Variants in WDR33 observed in about 807,000 individuals in gnomAD.
WDR33 encodes pre-mRNA 3' end processing protein WDR33.
Under a neutral mutation model 164.9 loss-of-function variants are expected in WDR33, and 47 were observed. That is an observed-to-expected ratio of 0.29 (90% CI 0.23 to 0.36). The LOEUF (loss-of-function observed/expected upper bound fraction) is 0.36, where lower values mean the gene tolerates loss of function less well. Among genes scored for constraint, WDR33 ranks in the 10% least tolerant of loss-of-function variants. The pLI, the probability that WDR33 is intolerant of heterozygous loss-of-function variation, is 1.00. For missense variants in WDR33, 1,137 were observed against 1,754.1 expected (o/e 0.65, Z 6.28); for synonymous variants, 505 against 589.0 (o/e 0.86, Z 2.06).
At chr2:127,751,044 G>A (rs1337513738) in intron 7 of WDR33, among the ~76,000 whole-genome samples, 1 of 151,660 alleles carries the variant, frequency 6.6e-6, no homozygotes, top group Non-Finnish European at 1.5e-5. Context: ...CCTAAAAACT[G>A]TAAAACTAAA....
rs373708086 is a variant in WDR33 at position 127,713,771 on chromosome 2, C to T, written c.3120G>A (p.Pro1040=). ...REFEGRGGPL[P]QEEKWRRGGP... ...CCCCTCGCCTCCACTTCTCTTCTTG[C>T]GGTAAAGGTCCTCCTCGCCCCTCAA... The change falls in exon 18 of 22, where the codon CCG becomes CCA. Residue 1040 remains proline, a synonymous_variant. Transcript: ENST00000322313. This position sits in a 1 kb window ranked among gnomAD's most constrained non-coding sequence, Gnocchi z 6.2. 2.8e-5 allele frequency: 45 copies of T among 1,614,142 alleles called. No homozygotes were observed. Among genetic ancestry groups the T allele is most frequent in the Non-Finnish European group, 2.9e-5 (34 of 1,180,052 alleles).
Position 127,722,781 on chromosome 2 carries a change from A to G in WDR33, c.1379-51T>C. 1 of 1,588,160 alleles carries G rather than the reference A, an allele frequency of 6.3e-7. No homozygotes were observed. On this transcript the variant is annotated intron_variant, in intron 13 of 21. Transcript: ENST00000322313. This position sits in a 1 kb window ranked among gnomAD's most constrained non-coding sequence, Gnocchi z 5.1. ...GCCTCTTAAATAAAAGAAATTGGCC[A>G]CTTGATCAATGAACACATTATTGGA...
At chr2:127,754,076 A>T (rs905512865) in intron 7 of WDR33, among the ~76,000 whole-genome samples, 4 of 152,224 alleles carry the variant, frequency 2.6e-5, no homozygotes, top group African/African-American at 9.6e-5. Flanking sequence ...ATATACAATT[A>T]AAAAGTATAA....
intron 7 of WDR33, among the ~76,000 whole-genome samples, chr2:127,746,799 G>A (rs1466069629): frequency 1.3e-5 from 2 of 152,172 alleles, no homozygotes; most frequent in African/African-American, 4.8e-5. Context: ...CTTAACCACT[G>A]TAAACAGTAA....
chr2:127,750,523 T>C (rs924682214), intron 7 of WDR33, among the ~76,000 whole-genome samples: 2 of 150,386 alleles, frequency 1.3e-5, no homozygotes, highest in African/African-American at 4.9e-5. Flanking sequence ...GGCACGTGCC[T>C]ATAATCCCAG....
At chr2:127,748,884 TAAAAAAAAAAAA>T (rs59425653) in intron 7 of WDR33, among the ~76,000 whole-genome samples, 1 of 105,024 alleles carries the variant, frequency 9.5e-6, no homozygotes, top group African/African-American at 3.5e-5. Context: ...AGCTGAAACT[TAAAAAAAAAAAA>T]AAAAAAAAAA....
intron 7 of WDR33, among the ~76,000 whole-genome samples, chr2:127,740,305 C>T (rs539088427): frequency 2.6e-5 from 4 of 152,264 alleles, no homozygotes; most frequent in South Asian, 2.1e-4. Flanking sequence ...CGTTGGCACA[C>T]GCCTATAATC....
At position 127,763,403 on chromosome 2, in the gene WDR33, A is replaced by G. The variant is rs1687734857; in HGVS notation, c.627-244T>C. 2 of 1,322,928 alleles carry G rather than the reference A, an allele frequency of 1.5e-6. No individual in the cohort carries two copies. Among genetic ancestry groups the G allele is most frequent in the Non-Finnish European group, 1.9e-6 (2 of 1,031,092 alleles). 81.9% of individuals were successfully genotyped at this position (1,322,928 alleles called of 1,614,324 possible). A position where few individuals can be genotyped will look rare whatever the true frequency, so the allele number is the denominator to read the frequency against. ...ATTCTGAGAACTTCAAGTGTGTATT[A>G]TTAGTGCTAATGCTATCCATGTTCC... On this transcript the variant is annotated intron_variant, in intron 6 of 21. Coordinates refer to ENST00000322313, the MANE Select transcript of WDR33 (RefSeq NM_018383.5). This position sits in a 1 kb window ranked among gnomAD's most constrained non-coding sequence, Gnocchi z 4.5.
rs997174319 is a variant in WDR33 at position 127,724,002 on chromosome 2, AG to A, written c.1196+330del. On this transcript the variant is annotated intron_variant, in intron 11 of 21. Transcript: ENST00000322313. This position sits in a 1 kb window ranked among gnomAD's most constrained non-coding sequence, Gnocchi z 4.8. ...TGAGGTAGGAGGATCACCTGAGCCCAGGAAGGTTGAGGCTATAGTGAGCTGA... is the reference window on the plus strand; with the variant it reads ...TGAGGTAGGAGGATCACCTGAGCCCAGAAGGTTGAGGCTATAGTGAGCTGA... 1.5e-4 allele frequency among the ~76,000 whole-genome samples: 23 copies of A among 152,248 alleles called. No individual in the cohort carries two copies. Among genetic ancestry groups the A allele is most frequent in the East Asian group, 1.2e-3 (6 of 5,178 alleles).
At chr2:127,802,028 A>C (rs1689268378) in intron 1 of WDR33, among the ~76,000 whole-genome samples, 1 of 151,754 alleles carries the variant, frequency 6.6e-6, no homozygotes, top group Admixed American at 6.6e-5. Flanking sequence ...TAAAAATACA[A>C]AAATTAGCCA....
rs562353876 is a variant in WDR33, at chr2:127,705,441, ATTGT to A, written c.*878_*881del. The A allele has an allele frequency of 7.7e-4, 118 of 152,396 alleles. No individual in the cohort carries two copies. Among genetic ancestry groups the A allele is most frequent in the African/African-American group, 2.7e-3 (113 of 41,582 alleles). 9.4% of individuals were successfully genotyped at this position (152,396 alleles called of 1,614,324 possible). On this transcript the variant is annotated 3_prime_UTR_variant, in exon 22 of 22. Transcript: ENST00000322313. This position sits in a 1 kb window ranked among gnomAD's most constrained non-coding sequence, Gnocchi z 4.5. ...GGAAAACTTAATTAAGTGTTGCAAAATTGTTTGAGGACCTATTTTGGTCCATTCC... is the reference window on the plus strand; with the variant it reads ...GGAAAACTTAATTAAGTGTTGCAAAATTGAGGACCTATTTTGGTCCATTCC...
intron 4 of WDR33, among the ~76,000 whole-genome samples, chr2:127,767,369 G>A (rs116534656): frequency 6.6e-6 from 1 of 151,826 alleles, no homozygotes; most frequent in African/African-American, 2.4e-5. Context: ...TGAAAATCGG[G>A]GTTATAACTA....
intron 1 of WDR33, among the ~76,000 whole-genome samples, chr2:127,778,213 G>A (rs1688251481): frequency 6.6e-6 from 1 of 151,914 alleles, no homozygotes; most frequent in Admixed American, 6.6e-5. Flanking sequence ...AGGTGGGTGG[G>A]ATCACCTGAG....
rs753561245 is a variant in WDR33, at chr2:127,701,960, G to C, written c.*4363C>G. On this transcript the variant is annotated 3_prime_UTR_variant, in exon 22 of 22. Transcript: ENST00000322313. ...TGCGCTGCGAAGAAGCGCCGTCCCG[G>C]CCCGCGCTGCTCTACATGGCAGCGC... 1 of 1,397,264 alleles carries C rather than the reference G, an allele frequency of 7.2e-7. No individual in the cohort carries two copies. Among genetic ancestry groups the C allele is most frequent in the Non-Finnish European group, 9.2e-7 (1 of 1,082,470 alleles). The allele number at this position is 1,397,264 out of a possible 1,614,324, so 86.6% of individuals were successfully genotyped here.
chr2:127,805,949 T>TA (rs36092212), intron 1 of WDR33, among the ~76,000 whole-genome samples: 5,092 of 135,970 alleles, frequency 0.037, 115 homozygotes, highest in Middle Eastern at 0.049. Flanking sequence ...AACTTTTGTT[T>TA]AAAAAAAAAA....
Position 127,768,914 on chromosome 2 carries a change from T to TG in WDR33, c.273+18dup. 1 of 1,582,394 alleles carries TG rather than the reference T, an allele frequency of 6.3e-7. No homozygotes were observed. Among genetic ancestry groups the TG allele is most frequent in the South Asian group, 1.1e-5 (1 of 88,888 alleles). On this transcript the variant is annotated intron_variant, in intron 3 of 21. Coordinates refer to ENST00000322313, the MANE Select transcript of WDR33 (RefSeq NM_018383.5). ...CAAGGAAGTGTTTATTAAGCTAGTA[T>TG]GACACATCATGTACTTACATCATTG...
Position 127,716,467 on chromosome 2 carries a change from G to C in WDR33, c.2869+688C>G, listed in dbSNP as rs1258127914. On this transcript the variant is annotated intron_variant, in intron 17 of 21. Coordinates refer to ENST00000322313, the MANE Select transcript of WDR33 (RefSeq NM_018383.5). This position sits in a 1 kb window ranked among gnomAD's most constrained non-coding sequence, Gnocchi z 4.5. Reference sequence around the variant, plus strand: ...CCTCTCACTCCCCTCCATCCACTCCGAGTCACCCCCTGCAACTCTCCCCAA... The same window carrying C: ...CCTCTCACTCCCCTCCATCCACTCCCAGTCACCCCCTGCAACTCTCCCCAA... Among the ~76,000 whole-genome samples the C allele has an allele frequency of 6.6e-6, 1 of 152,038 alleles. No homozygotes were observed. Among genetic ancestry groups the C allele is most frequent in the South Asian group, 2.1e-4 (1 of 4,826 alleles).
intron 2 of WDR33, among the ~76,000 whole-genome samples, chr2:127,769,863 T>C (rs1486082874): frequency 6.6e-6 from 1 of 152,166 alleles, no homozygotes; most frequent in Non-Finnish European, 1.5e-5. Flanking sequence ...ATATTAGTAA[T>C]AAGGCTAATT....
Position 127,720,169 on chromosome 2 carries a change from G to A in WDR33, c.1856C>T (p.Pro619Leu), listed in dbSNP as rs1331573589. Residue 619 changes from proline (P) to leucine (L), a missense_variant, in exon 16 of 22, where the codon CCT becomes CTT. Pro to Leu is a moderately conservative substitution (Grantham distance 98). Around this residue, in one of 9 missense-constraint regions of WDR33, gnomAD observed 867 missense variants for 1,073.0 expected, o/e 0.81. Transcript: ENST00000322313. The surrounding 1 kb of genome is among the most constrained non-coding windows in gnomAD (Gnocchi z 5.9). ...QMPMNMAQMGPPGPQGQFRPP... is the reference protein window; with the variant it reads ...QMPMNMAQMGLPGPQGQFRPP... ...CCTAAACTGTCCCTGTGGACCTGGA[G>A]GCCCCATTTGAGCCATGTTCATTGG... is the stretch of plus-strand genomic sequence containing the variant. 2.5e-6 allele frequency: 4 copies of A among 1,613,738 alleles called. No individual in the cohort carries two copies. The highest frequency in any genetic ancestry group is 3.4e-6 in the Non-Finnish European group (4 of 1,179,894).
Sources: gnomAD v4.1 joint callset for allele counts (sites outside exome capture counted in the v4.1 genomes callset) on GRCh38, gnomAD v4.1.1 for gene constraint, gnomAD v4.1.1 regional missense constraint, Gnocchi (gnomAD v3.1) non-coding constraint, MANE v1.5 for transcripts, NCBI Gene and HGNC (gene_info 2026-07-23, HGNC 2026-07-21) for gene names.